The following NKAIN3 variants were observed in gnomAD, a reference collection of about 807,000 sequenced individuals.
NKAIN3 encodes the protein sodium/potassium transporting ATPase interacting 3.
Under a neutral mutation model 30.2 loss-of-function variants are expected in NKAIN3, and 25 were observed. The observed-to-expected ratio is 0.83, with a 90% CI of 0.60 to 1.16. The LOEUF (loss-of-function observed/expected upper bound fraction) is 1.16. Among genes scored for constraint, NKAIN3 ranks in the 50% most tolerant of loss-of-function variants. The probability of loss-of-function intolerance (pLI) is 0.00; values close to 1 mark genes in which losing one functional copy is unlikely to be tolerated. For missense variants in NKAIN3, 225 were observed against 254.1 expected (o/e 0.89, Z 0.78); for synonymous variants, 91 against 89.6 (o/e 1.02, Z -0.09).
At chr8:62,338,939 C>CT (rs1174453076) in intron 1 of NKAIN3, among the ~76,000 whole-genome samples, 3 of 152,024 alleles carry the variant, frequency 2.0e-5, no homozygotes, top group African/African-American at 7.2e-5. Context: ...TAGACACACC[C>CT]AGGATCAATC....
Position 62,746,983 on chromosome 8 carries a change from G to C in NKAIN3, c.325G>C (p.Glu109Gln). Residue 109 changes from glutamate (E) to glutamine (Q), a missense_variant, in exon 4 of 7, where the codon GAA becomes CAA. By Grantham distance (29) the Glu-to-Gln change is conservative. Coordinates refer to ENST00000623646, the MANE Select transcript of NKAIN3 (RefSeq NM_001304533.3). ...NISVHRSWWREHGPGCVRRVL... is the reference protein window; with the variant it reads ...NISVHRSWWRQHGPGCVRRVL... ...CTCTGTACATCGGTCATGGTGGAGA[G>C]AACATGGGCCTGGTTGTGTCAGAAG... is the stretch of plus-strand genomic sequence containing the variant. 1 of 1,613,928 alleles carries C rather than the reference G, an allele frequency of 6.2e-7. No individual in the cohort carries two copies. The highest frequency in any genetic ancestry group is 2.2e-5 in the East Asian group (1 of 44,870).
chr8:62,479,961 T>C (rs759623619), intron 1 of NKAIN3, among the ~76,000 whole-genome samples: 1 of 152,176 alleles, frequency 6.6e-6, no homozygotes, highest in African/African-American at 2.4e-5. Context: ...CCCCAGAACA[T>C]TTTGGAATTT....
intron 4 of NKAIN3, among the ~76,000 whole-genome samples, chr8:62,896,882 A>G (rs1451102396): frequency 6.6e-6 from 1 of 152,246 alleles, no homozygotes. Flanking sequence ...AAGTAGGGCC[A>G]GAAGGCAGAT....
intron 4 of NKAIN3, among the ~76,000 whole-genome samples, chr8:62,831,242 G>GA (rs1289883872): frequency 1.3e-5 from 2 of 151,718 alleles, no homozygotes; most frequent in Admixed American, 1.3e-4. Flanking sequence ...AAATACAAGG[G>GA]AAAAATGAAA....
At chr8:62,719,188 G>T (rs1330733241) in intron 3 of NKAIN3, among the ~76,000 whole-genome samples, 1 of 152,176 alleles carries the variant, frequency 6.6e-6, no homozygotes, top group Non-Finnish European at 1.5e-5. Flanking sequence ...GTGGATAAAA[G>T]CAGGTGTGCG....
chr8:62,688,413 A>G (rs904679990), intron 3 of NKAIN3, among the ~76,000 whole-genome samples: 1 of 152,216 alleles, frequency 6.6e-6, no homozygotes, highest in Admixed American at 6.5e-5. Flanking sequence ...TGTTTGTTGT[A>G]GTAGATGTTT....
intron 1 of NKAIN3, among the ~76,000 whole-genome samples, chr8:62,497,923 G>A (rs1027969129): frequency 2.0e-5 from 3 of 152,132 alleles, no homozygotes; most frequent in African/African-American, 7.2e-5. Context: ...CCTCTGAAGT[G>A]ATTGAGTGGT....
chr8:62,604,065 G>T (rs996414460), intron 3 of NKAIN3, among the ~76,000 whole-genome samples: 3 of 152,056 alleles, frequency 2.0e-5, no homozygotes, highest in South Asian at 2.1e-4. Flanking sequence ...CTGCGGCACA[G>T]AACTGCCCAA....
In NKAIN3 at chr8:62,912,291, C is replaced by T. The variant is rs1257957406; in HGVS notation, c.472-6162C>T. The stretch of plus-strand genomic sequence containing the variant: ...AGCTTGCAGGACTGGAAGTTGCTCT[C>T]GGTAAGTTGGTGAGGGAGCGATGGG... On this transcript the variant is annotated intron_variant, in intron 4 of 6. Coordinates refer to ENST00000623646, the MANE Select transcript of NKAIN3 (RefSeq NM_001304533.3). Among the ~76,000 whole-genome samples, 9 of 151,924 alleles carry T rather than the reference C, an allele frequency of 5.9e-5. No individual in the cohort carries two copies. The East Asian group carries it at 1.2e-3, about 20-fold the overall frequency.
intron 3 of NKAIN3, among the ~76,000 whole-genome samples, chr8:62,664,741 C>G (rs1163257662): frequency 6.6e-6 from 1 of 152,138 alleles, no homozygotes; most frequent in Non-Finnish European, 1.5e-5. Flanking sequence ...GTTCTTCTCC[C>G]CCCTATGCAT....
At chr8:62,587,216 A>G (rs933330720) in intron 2 of NKAIN3, among the ~76,000 whole-genome samples, 3 of 151,998 alleles carry the variant, frequency 2.0e-5, no homozygotes, top group Non-Finnish European at 4.4e-5. Context: ...TCAAGTGCAC[A>G]TTAAGGTATA....
At chr8:62,481,503 T>G (rs2129600836) in intron 1 of NKAIN3, among the ~76,000 whole-genome samples, 1 of 152,272 alleles carries the variant, frequency 6.6e-6, no homozygotes, top group African/African-American at 2.4e-5. Flanking sequence ...ACTAGACCTA[T>G]GAGATGCTTG....
In NKAIN3 at chr8:62,953,884, C is replaced by T. The variant is rs544402969; in HGVS notation, c.533-18C>T. ...ATTTTTTACACACTTATTCATATGG[C>T]CTATGTTATATTTTCAGTTGATTTC... On this transcript the variant is annotated intron_variant, in intron 5 of 6. Coordinates refer to ENST00000623646, the MANE Select transcript of NKAIN3 (RefSeq NM_001304533.3). 4.3e-4 allele frequency: 375 copies of T among 871,628 alleles called. 1 individual carries two copies. The African/African-American group carries it at 6.3e-3, about 15-fold the overall frequency. 54.0% of individuals were successfully genotyped at this position (871,628 alleles called of 1,614,324 possible).
chr8:62,630,421 A>C (rs763761301), intron 3 of NKAIN3, among the ~76,000 whole-genome samples: 1 of 152,182 alleles, frequency 6.6e-6, no homozygotes, highest in Non-Finnish European at 1.5e-5. Flanking sequence ...TTAGTATTGG[A>C]GAACTGAGAG....
intron 1 of NKAIN3, among the ~76,000 whole-genome samples, chr8:62,541,397 G>C (rs191979751): frequency 6.6e-6 from 1 of 152,208 alleles, no homozygotes; most frequent in Admixed American, 6.5e-5. Context: ...CAAACTACCT[G>C]TAGAACATCT....
At chr8:62,830,459 T>C (rs1819162266) in intron 4 of NKAIN3, among the ~76,000 whole-genome samples, 1 of 152,196 alleles carries the variant, frequency 6.6e-6, no homozygotes, top group Non-Finnish European at 1.5e-5. Flanking sequence ...AGATAATACA[T>C]GTAAACATAC....
chr8:62,689,478 AC>A (rs1328773006), intron 3 of NKAIN3, among the ~76,000 whole-genome samples: 1 of 152,128 alleles, frequency 6.6e-6, no homozygotes, highest in Non-Finnish European at 1.5e-5. Flanking sequence ...CCTGGAATTG[AC>A]CCCATCAGAA....
chr8:62,582,328 C>A (rs1196406140), intron 2 of NKAIN3, among the ~76,000 whole-genome samples: 2 of 152,142 alleles, frequency 1.3e-5, no homozygotes, highest in African/African-American at 4.8e-5. Flanking sequence ...CAGACACATT[C>A]TCTGTCTTCC....
At position 62,587,378 on chromosome 8, in the gene NKAIN3, T is replaced by C. The variant is rs180991336; in HGVS notation, c.193-2336T>C. Among the ~76,000 whole-genome samples the C allele has an allele frequency of 7.2e-5, 11 of 152,150 alleles. No individual in the cohort carries two copies. The East Asian group carries it at 2.1e-3, about 29-fold the overall frequency. On this transcript the variant is annotated intron_variant, in intron 2 of 6. Coordinates refer to ENST00000623646, the MANE Select transcript of NKAIN3 (RefSeq NM_001304533.3). ...AAACAAACAACACAAGAATTCCATA[T>C]TATACATGTCACACTAATTGTAAAA...
Sources: allele counts gnomAD v4.1 joint callset (sites outside exome capture counted in the v4.1 genomes callset), GRCh38; gene constraint gnomAD v4.1.1; transcripts MANE v1.5; gene names NCBI Gene and HGNC (gene_info 2026-07-23, HGNC 2026-07-21).